RNF38: variants seen among roughly 807,000 people sequenced by gnomAD.
The protein encoded by RNF38 is E3 ubiquitin-protein ligase RNF38.
Under a neutral mutation model 67.2 loss-of-function variants are expected in RNF38, and 15 were observed. That is an observed-to-expected ratio of 0.22 (90% CI 0.15 to 0.34). The LOEUF is 0.34. Ranked by LOEUF, RNF38 falls within the 10% of genes least tolerant of loss-of-function variation. The pLI is 1.00. For synonymous variants in RNF38, 220 were observed against 218.8 expected, an observed-to-expected ratio of 1.01 and a Z score of -0.05; for missense variants, 524 against 639.9, an observed-to-expected ratio of 0.82 and a Z score of 1.95.
intron 1 of RNF38, among the ~76,000 whole-genome samples, chr9:36,447,340 C>T (rs891607463): frequency 1.2e-4 from 18 of 152,098 alleles, no homozygotes; most frequent in Admixed American, 2.6e-4. Flanking sequence ...GAAGCCATGA[C>T]TTACATGAAT....
At chr9:36,425,759 T>A (rs559486343) in intron 1 of RNF38, among the ~76,000 whole-genome samples, 37 of 152,318 alleles carry the variant, frequency 2.4e-4, no homozygotes, top group African/African-American at 8.4e-4. Context: ...AAAGAAGATA[T>A]TAAACATTAA....
At chr9:36,395,602 C>T (rs573604175) in intron 1 of RNF38, among the ~76,000 whole-genome samples, 2 of 152,308 alleles carry the variant, frequency 1.3e-5, no homozygotes, top group East Asian at 3.9e-4. Flanking sequence ...TCCAAATATT[C>T]TCACCACTTC....
chr9:36,448,617 T>C (rs1046625951), intron 1 of RNF38, among the ~76,000 whole-genome samples: 5 of 152,106 alleles, frequency 3.3e-5, no homozygotes, highest in Admixed American at 6.6e-5. Context: ...AACTAGATAA[T>C]GTAAAGTGCC....
At chr9:36,467,546 T>C (rs28461315) in intron 1 of RNF38, among the ~76,000 whole-genome samples, 6,713 of 152,224 alleles carry the variant, frequency 0.044, 202 homozygotes, top group African/African-American at 0.077. Flanking sequence ...ATTATGATTC[T>C]GCTGCTCTCT....
intron 2 of RNF38, among the ~76,000 whole-genome samples, chr9:36,382,524 T>G (rs567936419): frequency 8.5e-5 from 13 of 152,336 alleles, no homozygotes; most frequent in African/African-American, 2.6e-4. Context: ...AACAATTTTA[T>G]ATGTAATATA....
At chr9:36,428,454 CATATATATAT>C (rs10588812) in intron 1 of RNF38, among the ~76,000 whole-genome samples, 1 of 146,128 alleles carries the variant, frequency 6.8e-6, no homozygotes, top group Non-Finnish European at 1.5e-5. Context: ...CTATTGTTTA[CATATATATAT>C]ATATATATAT....
upstream of RNF38, among the ~76,000 whole-genome samples, chr9:36,402,351 T>C (rs1838068007): frequency 6.6e-6 from 1 of 152,164 alleles, no homozygotes; most frequent in Admixed American, 6.5e-5. Context: ...TTTTTGTTTG[T>C]TTGTTTCACT....
intron 4 of RNF38, 59 bp from the exon 5 acceptor site, chr9:36,358,001 CA>C (rs1834254742): frequency 7.0e-7 from 1 of 1,420,342 alleles, no homozygotes; most frequent in Non-Finnish European, 9.8e-7. Context: ...GTTAACTATT[CA>C]AAATCAACAT....
chr9:36,410,873 T>C (rs1194168671), intron 2 of RNF38, among the ~76,000 whole-genome samples: 2 of 152,148 alleles, frequency 1.3e-5, no homozygotes, highest in African/African-American at 2.4e-5. Flanking sequence ...TCCCAGGGGC[T>C]GGAGGAGGCA....
chr9:36,393,962 T>C (rs1423465540), intron 1 of RNF38, among the ~76,000 whole-genome samples: 2 of 151,978 alleles, frequency 1.3e-5, no homozygotes, highest in Non-Finnish European at 2.9e-5. Flanking sequence ...ACCAGTGAAC[T>C]TGGAAGGAGA....
intron 3 of RNF38, chr9:36,372,678 T>C (rs1564018334): frequency 3.5e-6 from 2 of 570,052 alleles, no homozygotes; most frequent in Non-Finnish European, 6.3e-6. Context: ...TTCAGGGTGG[T>C]AAATACTCTC....
intron 1 of RNF38, among the ~76,000 whole-genome samples, chr9:36,449,436 T>C (rs1293552969): frequency 6.6e-6 from 1 of 151,712 alleles, no homozygotes; most frequent in Non-Finnish European, 1.5e-5. Flanking sequence ...ATCTCTCTCT[T>C]TTTTTTCCTT....
At chr9:36,437,839 T>C (rs1305726023) in intron 1 of RNF38, among the ~76,000 whole-genome samples, 1 of 152,186 alleles carries the variant, frequency 6.6e-6, no homozygotes, top group Non-Finnish European at 1.5e-5. Context: ...GGAAGAAGAA[T>C]GATATAGCAG....
chr9:36,451,302 A>G (rs1839432247), intron 1 of RNF38, among the ~76,000 whole-genome samples: 1 of 151,726 alleles, frequency 6.6e-6, no homozygotes, highest in Non-Finnish European at 1.5e-5. Context: ...CATCTCTACT[A>G]AAAATAGAAA....
chr9:36,461,708 G>T (rs1373492547), intron 1 of RNF38, among the ~76,000 whole-genome samples: 3 of 152,148 alleles, frequency 2.0e-5, no homozygotes, highest in Non-Finnish European at 4.4e-5. Flanking sequence ...TGCTGGAAAG[G>T]ACAAGAATGT....
Position 36,339,484 on chromosome 9 carries a change from C to T in RNF38, c.*268G>A, listed in dbSNP as rs1409808315. The T allele has an allele frequency of 4.7e-6, 2 of 424,880 alleles. No individual in the cohort carries two copies. Among genetic ancestry groups the T allele is most frequent in the Non-Finnish European group, 8.6e-6 (2 of 233,824 alleles). The allele number at this position is 424,880 out of a possible 1,614,324, so 26.3% of individuals were successfully genotyped here. On this transcript the variant is annotated 3_prime_UTR_variant, in exon 12 of 12. Transcript: ENST00000259605. ...TGCAGCAACACTCGGAATGATCACA[C>T]AAAAACCAGGGAATGTTAGTGCACA...
At chr9:36,440,812 C>T (rs960210387) in intron 1 of RNF38, among the ~76,000 whole-genome samples, 1 of 152,102 alleles carries the variant, frequency 6.6e-6, no homozygotes, top group Non-Finnish European at 1.5e-5. Flanking sequence ...AAGGAAAAAA[C>T]CACTAGTAAA....
chr9:36,387,741 C>A (rs1243956943), intron 2 of RNF38, among the ~76,000 whole-genome samples: 1 of 152,130 alleles, frequency 6.6e-6, no homozygotes, highest in Non-Finnish European at 1.5e-5. Flanking sequence ...TGAGCCTACA[C>A]TTACACCTCT....
At chr9:36,418,556 C>A (rs372920839) in intron 2 of RNF38, among the ~76,000 whole-genome samples, 1 of 151,740 alleles carries the variant, frequency 6.6e-6, no homozygotes, top group South Asian at 2.1e-4. Flanking sequence ...GAGGCTGAGG[C>A]GGGCAGATCA....
Sources: allele counts gnomAD v4.1 joint callset (sites outside exome capture counted in the v4.1 genomes callset), GRCh38; gene constraint gnomAD v4.1.1; transcripts MANE v1.5; gene names NCBI Gene and HGNC (gene_info 2026-07-23, HGNC 2026-07-21).